Variants in ST8SIA2 observed in about 807,000 individuals in gnomAD.
The protein encoded by ST8SIA2 is alpha-2,8-sialyltransferase 8B.
A neutral mutation model predicts 37.6 loss-of-function variants in ST8SIA2; 22 were observed. The ratio of observed to expected loss-of-function variants is 0.58; its 90% CI spans 0.42 to 0.83. The LOEUF is 0.83. Ranked by LOEUF, ST8SIA2 falls within the 40% of genes least tolerant of loss-of-function variation. The pLI, the probability that ST8SIA2 is intolerant of heterozygous loss-of-function variation, is 0.00. For synonymous variants in ST8SIA2, 205 were observed against 201.2 expected, an observed-to-expected ratio of 1.02 and a Z score of -0.16; for missense variants, 382 against 484.7, an observed-to-expected ratio of 0.79 and a Z score of 1.99.
intron 5 of ST8SIA2, among the ~76,000 whole-genome samples, chr15:92,449,850 T>C (rs1468982717): frequency 6.6e-6 from 1 of 152,236 alleles, no homozygotes; most frequent in Non-Finnish European, 1.5e-5. Context: ...AATGGGGTTG[T>C]CTTTTGCTTG....
At chr15:92,418,538 T>C (rs1264329345) in intron 1 of ST8SIA2, among the ~76,000 whole-genome samples, 1 of 151,334 alleles carries the variant, frequency 6.6e-6, no homozygotes, top group Non-Finnish European at 1.5e-5. Flanking sequence ...AAGTTCTTAA[T>C]ATTTTTAATT....
intron 4 of ST8SIA2, among the ~76,000 whole-genome samples, chr15:92,443,867 G>A (rs1364624583): frequency 6.6e-6 from 1 of 152,126 alleles, no homozygotes; most frequent in Non-Finnish European, 1.5e-5. Context: ...CTCACCTGCT[G>A]AATCAGAATC....
chr15:92,444,997 C>T (rs1329010474), intron 5 of ST8SIA2, 68 bp downstream of exon 5: 8 of 1,593,318 alleles, frequency 5.0e-6, no homozygotes, highest in South Asian at 1.1e-5. Flanking sequence ...AGGCAGTATC[C>T]CTTTCCCAGG....
At chr15:92,397,060 G>A (rs534255966) in intron 1 of ST8SIA2, among the ~76,000 whole-genome samples, 15 of 152,330 alleles carry the variant, frequency 9.8e-5, no homozygotes, top group Admixed American at 9.1e-4. Flanking sequence ...GGGAGAAAGC[G>A]ATGGCTCTGT....
At chr15:92,457,525 A>G (rs1596250604) in intron 5 of ST8SIA2, among the ~76,000 whole-genome samples, 1 of 152,204 alleles carries the variant, frequency 6.6e-6, no homozygotes. Flanking sequence ...TTAAAGGTGC[A>G]CTGTCAATAC....
At chr15:92,429,118 G>A (rs772412081) in intron 1 of ST8SIA2, among the ~76,000 whole-genome samples, 1 of 152,068 alleles carries the variant, frequency 6.6e-6, no homozygotes, top group Non-Finnish European at 1.5e-5. Flanking sequence ...TTATTTATTT[G>A]GAGTCTGCCA....
chr15:92,460,672 T>C (rs1348342832), intron 5 of ST8SIA2, among the ~76,000 whole-genome samples: 1 of 152,222 alleles, frequency 6.6e-6, no homozygotes, highest in Non-Finnish European at 1.5e-5. Flanking sequence ...CCATTCCTCC[T>C]GCCTCCTACA....
chr15:92,429,485 C>T (rs1292980454), intron 1 of ST8SIA2, among the ~76,000 whole-genome samples: 1 of 152,152 alleles, frequency 6.6e-6, no homozygotes, highest in African/African-American at 2.4e-5. Flanking sequence ...TTCTCACTTC[C>T]CAGTAGAGTG....
rs78235079 is a variant in ST8SIA2 at position 92,458,543 on chromosome 15, G to A, written c.843-5557G>A. ...TGGGGAGACCACAGTACAGTTTCATGTTCCCCTTCTGGAAAGCATCCCTTC... is the reference window on the plus strand; with the variant it reads ...TGGGGAGACCACAGTACAGTTTCATATTCCCCTTCTGGAAAGCATCCCTTC... On this transcript the variant is annotated intron_variant, in intron 5 of 5. Transcript: ENST00000268164. Among the ~76,000 whole-genome samples, 938 of 152,292 alleles carry A rather than the reference G, an allele frequency of 6.2e-3. 11 individuals are homozygous for A. Among genetic ancestry groups the A allele is most frequent in the East Asian group, 0.039 (204 of 5,182 alleles).
intron 5 of ST8SIA2, among the ~76,000 whole-genome samples, chr15:92,446,213 T>C (rs1393100269): frequency 6.6e-6 from 1 of 152,186 alleles, no homozygotes; most frequent in East Asian, 1.9e-4. Context: ...CATGCGTCTC[T>C]CTCTCTTTAT....
intron 1 of ST8SIA2, among the ~76,000 whole-genome samples, chr15:92,401,163 T>C (rs1448696484): frequency 6.6e-6 from 1 of 152,054 alleles, no homozygotes; most frequent in Non-Finnish European, 1.5e-5. Flanking sequence ...GACAGGAACA[T>C]GAAAGCCACC....
intron 1 of ST8SIA2, among the ~76,000 whole-genome samples, chr15:92,397,307 T>G (rs888804487): frequency 2.6e-5 from 4 of 152,176 alleles, no homozygotes; most frequent in African/African-American, 9.7e-5. Context: ...AATGTGGTGG[T>G]CTCAGAGGTC....
chr15:92,455,530 T>C (rs1020567590), intron 5 of ST8SIA2, among the ~76,000 whole-genome samples: 2 of 152,086 alleles, frequency 1.3e-5, no homozygotes, highest in African/African-American at 4.8e-5. Flanking sequence ...TAACCCCTTT[T>C]TACACCTACG....
intron 1 of ST8SIA2, among the ~76,000 whole-genome samples, chr15:92,408,713 A>ATTTG (rs1206668954): frequency 6.7e-6 from 1 of 148,560 alleles, no homozygotes; most frequent in Non-Finnish European, 1.5e-5. Flanking sequence ...TTATTTATTT[A>ATTTG]TTTATTTATT....
chr15:92,434,168 G>A (rs1227294271), intron 2 of ST8SIA2, 79 bp from the exon 3 acceptor site: 2 of 1,601,084 alleles, frequency 1.2e-6, no homozygotes, highest in East Asian at 4.5e-5. Context: ...TCAAGCCCGT[G>A]CAAAAACAAA....
chr15:92,460,466 C>T (rs1260520049), intron 5 of ST8SIA2, among the ~76,000 whole-genome samples: 2 of 152,208 alleles, frequency 1.3e-5, no homozygotes, highest in East Asian at 3.9e-4. Context: ...GAATACTTTG[C>T]AGGGATCTGT....
chr15:92,421,851 C>T lies in ST8SIA2; in HGVS notation c.99-8198C>T, dbSNP rs576087232. On this transcript the variant is annotated intron_variant, in intron 1 of 5. Coordinates refer to ENST00000268164, the MANE Select transcript of ST8SIA2 (RefSeq NM_006011.4). ...TTGTAGAAGAACGAGGCTACCTTTC[C>T]GTCATGATGGCTGGAATAATAACTT... is the stretch of plus-strand genomic sequence containing the variant. 3.3e-5 allele frequency among the ~76,000 whole-genome samples: 5 copies of T among 152,302 alleles called. No individual in the cohort carries two copies. The South Asian group carries it at 8.3e-4, about 25-fold the overall frequency.
rs1296412373 is a variant in ST8SIA2 at position 92,468,227 on chromosome 15, A to C, written c.*3842A>C. On this transcript the variant is annotated 3_prime_UTR_variant, in exon 6 of 6. Transcript: ENST00000268164. ...GATTTTCCTCTCCCGTTGCACACAAACCTTTAAAAGTTCCCCGGCCCGTGA... is the reference window on the plus strand; with the variant it reads ...GATTTTCCTCTCCCGTTGCACACAACCCTTTAAAAGTTCCCCGGCCCGTGA... 1.3e-5 allele frequency: 2 copies of C among 152,458 alleles called. No homozygotes were observed. The highest frequency in any genetic ancestry group is 6.6e-5 in the Admixed American group (1 of 15,262). The allele number at this position is 152,458 out of a possible 1,614,324, so 9.4% of individuals were successfully genotyped here.
chr15:92,395,145 G>A (rs1394099119), intron 1 of ST8SIA2, among the ~76,000 whole-genome samples: 1 of 152,202 alleles, frequency 6.6e-6, no homozygotes, highest in Non-Finnish European at 1.5e-5. Context: ...GACAGGTGGG[G>A]AGGCAGCCGG....
Sources: gnomAD v4.1 joint callset for allele counts (sites outside exome capture counted in the v4.1 genomes callset) on GRCh38, gnomAD v4.1.1 for gene constraint, MANE v1.5 for transcripts, NCBI Gene and HGNC (gene_info 2026-07-23, HGNC 2026-07-21) for gene names.